BECN2: variants seen among roughly 807,000 people sequenced by gnomAD.
BECN2 encodes beclin 2.
For missense variants in BECN2, 428 were observed against 507.9 expected (o/e 0.84, Z 1.51); for synonymous variants, 173 against 220.1 (o/e 0.79, Z 1.90).
Position 241,958,289 on chromosome 1 carries a change from A to T in BECN2, c.523A>T (p.Arg175Trp). Residue 175 changes from arginine (R) to tryptophan (W), a missense_variant, in exon 1 of 1, where the codon AGG becomes TGG. Coordinates refer to ENST00000419583, the MANE Select transcript of BECN2 (RefSeq NM_001290693.1). ...ELRDLELEEA[R>W]LVQELEDVDR... ...GCGGGACCTGGAGCTGGAGGAGGCC[A>T]GGCTGGTGCAGGAGCTGGAGGATGT... The T allele has an allele frequency of 8.1e-6, 10 of 1,233,912 alleles. No homozygotes were observed. The South Asian group carries it at 3.3e-4, about 41-fold the overall frequency. The allele number at this position is 1,233,912 out of a possible 1,614,324, so 76.4% of individuals were successfully genotyped here. A position where few individuals can be genotyped will look rare whatever the true frequency, so the allele number is the denominator to read the frequency against.
Position 241,958,939 on chromosome 1 carries a change from A to G in BECN2, c.1173A>G (p.Arg391=), listed in dbSNP as rs1381832282. 2 of 1,231,784 alleles carry G rather than the reference A, an allele frequency of 1.6e-6. No homozygotes were observed. Among genetic ancestry groups the G allele is most frequent in the Non-Finnish European group, 2.0e-6 (2 of 988,058 alleles). The allele number at this position is 1,231,784 out of a possible 1,614,324, so 76.3% of individuals were successfully genotyped here. Residue 391 remains arginine, a synonymous_variant, in exon 1 of 1, where the codon CGA becomes CGG. Transcript: ENST00000419583. ...ETGLMEDVGG[R]GECYSIRTHL... ...GCCTGATGGAGGACGTTGGCGGCCGAGGGGAATGCTATTCCATCAGAACCC... is the reference window on the plus strand; with the variant it reads ...GCCTGATGGAGGACGTTGGCGGCCGGGGGGAATGCTATTCCATCAGAACCC...
Position 241,958,927 on chromosome 1 carries a change from C to T in BECN2, c.1161C>T (p.Asp387=). 8.1e-7 allele frequency: 1 copy of T among 1,231,808 alleles called. No individual in the cohort carries two copies. The highest frequency in any genetic ancestry group is 4.1e-5 in the South Asian group (1 of 24,312). 76.3% of individuals were successfully genotyped at this position (1,231,808 alleles called of 1,614,324 possible). ...GIQVETGLME[D]VGGRGECYSI... ...AGGTGGAGACAGGCCTGATGGAGGA[C>T]GTTGGCGGCCGAGGGGAATGCTATT... The change falls in exon 1 of 1, where the codon GAC becomes GAT. Residue 387 remains aspartate, a synonymous_variant. Coordinates refer to ENST00000419583, the MANE Select transcript of BECN2 (RefSeq NM_001290693.1).
At chr1:241,958,411 C>G in the BECN2 span, 1 of 1,232,108 alleles carries the variant, frequency 8.1e-7, no homozygotes, top group East Asian at 3.2e-5. Flanking sequence ...ACAGGGACTA[C>G]AGTGCCTTGA....
rs1369923056 is a variant in BECN2, at chr1:241,958,894, C to T, written c.1128C>T (p.Tyr376=). 4 of 1,231,876 alleles carry T rather than the reference C, an allele frequency of 3.2e-6. No homozygotes were observed. The highest frequency in any genetic ancestry group is 1.5e-5 in the African/African-American group (1 of 64,530). The allele number at this position is 1,231,876 out of a possible 1,614,324, so 76.3% of individuals were successfully genotyped here. The change falls in exon 1 of 1, where the codon TAC becomes TAT. Residue 376 remains tyrosine (Y), a synonymous_variant. Coordinates refer to ENST00000419583, the MANE Select transcript of BECN2 (RefSeq NM_001290693.1). The stretch of plus-strand genomic sequence containing the variant: ...GTGAGCTGGGCCTCTCTCTGCCCTA[C>T]GGGATCCAGGTGGAGACAGGCCTGA... ...EKGELGLSLP[Y]GIQVETGLME...
chr1:241,958,367 G>C lies in BECN2; in HGVS notation c.601G>C (p.Ala201Pro). The C allele has an allele frequency of 8.1e-7, 1 of 1,232,984 alleles. No homozygotes were observed. Among genetic ancestry groups the C allele is most frequent in the Non-Finnish European group, 1.0e-6 (1 of 988,986 alleles). 76.4% of individuals were successfully genotyped at this position (1,232,984 alleles called of 1,614,324 possible). Residue 201 changes from alanine to proline, a missense_variant, in exon 1 of 1, where the codon GCT (alanine) becomes CCT (proline). Transcript: ENST00000419583. ...AADLQAAQAE[A>P]AELDQQERQH... ...GGATCTCCAGGCAGCCCAGGCAGAG[G>C]CTGCGGAGCTGGACCAGCAGGAGAG...
rs1664471896 is a variant in BECN2, at chr1:241,958,784, G to A, written c.1018G>A (p.Asp340Asn). ...GCCGTTGTTCTGTTATGGGGGGCAGGATGTTTTCCTCAATAACAAGTATGA... is the reference window on the plus strand; with the variant it reads ...GCCGTTGTTCTGTTATGGGGGGCAGAATGTTTTCCTCAATAACAAGTATGA... ...ELPLFCYGGQ[D>N]VFLNNKYDRA... Residue 340 changes from aspartate (D) to asparagine (N), a missense_variant, in exon 1 of 1, where the codon GAT becomes AAT. By Grantham distance (23) the Asp-to-Asn change is conservative (BLOSUM62 1). Coordinates refer to ENST00000419583, the MANE Select transcript of BECN2 (RefSeq NM_001290693.1). 1 of 1,231,694 alleles carries A rather than the reference G, an allele frequency of 8.1e-7. No homozygotes were observed. Among genetic ancestry groups the A allele is most frequent in the Non-Finnish European group, 1.0e-6 (1 of 988,062 alleles). The allele number at this position is 1,231,694 out of a possible 1,614,324, so 76.3% of individuals were successfully genotyped here. A position where few individuals can be genotyped will look rare whatever the true frequency, so the allele number is the denominator to read the frequency against.
At chr1:241,958,017 TG>T in the BECN2 span, 1 of 1,231,940 alleles carries the variant, frequency 8.1e-7, no homozygotes, top group Non-Finnish European at 1.0e-6. Context: ...TTCACCCTGC[TG>T]GGGGAGCTTG....
Position 241,958,166 on chromosome 1 carries a change from G to A in BECN2, c.400G>A (p.Ala134Thr), listed in dbSNP as rs187014284. The change falls in exon 1 of 1, where the codon GCT becomes ACT. Residue 134 changes from alanine to threonine, a missense_variant. Physicochemically the swap from Ala to Thr is moderately conservative, Grantham distance 58. Coordinates refer to ENST00000419583, the MANE Select transcript of BECN2 (RefSeq NM_001290693.1). ...SLLEQLDIQL[A>T]LTEADSQNYQ... is the part of the protein sequence containing the mutation. The stretch of plus-strand genomic sequence containing the variant: ...TTTAGAGCAGCTGGACATCCAGCTC[G>A]CTCTCACAGAAGCTGACAGTCAGAA... 9.7e-6 allele frequency: 12 copies of A among 1,232,096 alleles called. No homozygotes were observed. The East Asian group carries it at 2.5e-4, about 26-fold the overall frequency. 76.3% of individuals were successfully genotyped at this position (1,232,096 alleles called of 1,614,324 possible). A position where few individuals can be genotyped will look rare whatever the true frequency, so the allele number is the denominator to read the frequency against.
Position 241,958,604 on chromosome 1 carries a change from G to C in BECN2, c.838G>C (p.Val280Leu). The change falls in exon 1 of 1, where the codon GTG becomes CTG. Residue 280 changes from valine to leucine, a missense_variant. Coordinates refer to ENST00000419583, the MANE Select transcript of BECN2 (RefSeq NM_001290693.1). The stretch of plus-strand genomic sequence containing the variant: ...GTTGGGCCGCCTCCCCACTGTCCGT[G>C]TGGGCTGGAATGAGATTAACACTGC... ...FRLGRLPTVR[V>L]GWNEINTAWG... 31 of 1,231,820 alleles carry C rather than the reference G, an allele frequency of 2.5e-5. No homozygotes were observed. The highest frequency in any genetic ancestry group is 3.0e-5 in the Non-Finnish European group (30 of 988,016). 76.3% of individuals were successfully genotyped at this position (1,231,820 alleles called of 1,614,324 possible). A position where few individuals can be genotyped will look rare whatever the true frequency, so the allele number is the denominator to read the frequency against.
Position 241,957,901 on chromosome 1 carries a change from C to T in BECN2, c.135C>T (p.Pro45=). ...GQAEPGDTRE[P]GVTTREVTDA... is the part of the protein sequence containing the mutation. ...CTGAGCCCGGAGACACCCGGGAGCC[C>T]GGCGTCACCACCAGGGAGGTGACAG... Residue 45 remains proline (P), a synonymous_variant, in exon 1 of 1, where the codon CCC becomes CCT. Transcript: ENST00000419583. 5 of 1,231,092 alleles carry T rather than the reference C, an allele frequency of 4.1e-6. No individual in the cohort carries two copies. Among genetic ancestry groups the T allele is most frequent in the African/African-American group, 3.1e-5 (2 of 63,830 alleles). The allele number at this position is 1,231,092 out of a possible 1,614,324, so 76.3% of individuals were successfully genotyped here.
In BECN2 at chr1:241,958,890, C is replaced by G. The variant is rs1307190381; in HGVS notation, c.1124C>G (p.Pro375Arg). The change falls in exon 1 of 1, where the codon CCC (proline) becomes CGC (arginine). Residue 375 changes from proline to arginine, a missense_variant. By Grantham distance (103) the Pro-to-Arg change is moderately radical. Transcript: ENST00000419583. Reference sequence around the variant, plus strand: ...AAGGGTGAGCTGGGCCTCTCTCTGCCCTACGGGATCCAGGTGGAGACAGGC... The same window carrying G: ...AAGGGTGAGCTGGGCCTCTCTCTGCGCTACGGGATCCAGGTGGAGACAGGC... ...AEKGELGLSL[P>R]YGIQVETGLM... 1.6e-6 allele frequency: 2 copies of G among 1,231,836 alleles called. No individual in the cohort carries two copies. Among genetic ancestry groups the G allele is most frequent in the Non-Finnish European group, 2.0e-6 (2 of 988,116 alleles). The allele number at this position is 1,231,836 out of a possible 1,614,324, so 76.3% of individuals were successfully genotyped here. A position where few individuals can be genotyped will look rare whatever the true frequency, so the allele number is the denominator to read the frequency against.
chr1:241,958,390 G>A lies in BECN2; in HGVS notation c.624G>A (p.Glu208=). ...AGGCTGCGGAGCTGGACCAGCAGGAGAGGCAGCACTACAGGGACTACAGTG... is the reference window on the plus strand; with the variant it reads ...AGGCTGCGGAGCTGGACCAGCAGGAAAGGCAGCACTACAGGGACTACAGTG... ...QAEAAELDQQ[E]RQHYRDYSAL... Residue 208 remains glutamate, a synonymous_variant, in exon 1 of 1, where the codon GAG becomes GAA. Coordinates refer to ENST00000419583, the MANE Select transcript of BECN2 (RefSeq NM_001290693.1). 1 of 1,232,756 alleles carries A rather than the reference G, an allele frequency of 8.1e-7. No homozygotes were observed. The highest frequency in any genetic ancestry group is 4.1e-5 in the South Asian group (1 of 24,342). 76.4% of individuals were successfully genotyped at this position (1,232,756 alleles called of 1,614,324 possible).
chr1:241,958,005 T>A lies in BECN2; in HGVS notation c.239T>A (p.Ile80Asn). The change falls in exon 1 of 1, where the codon ATC becomes AAC. Residue 80 changes from isoleucine to asparagine, a missense_variant. By Grantham distance (149) the Ile-to-Asn change is moderately radical (BLOSUM62 -3). Transcript: ENST00000419583. Reference sequence around the variant, plus strand: ...AGTGTGTCCAAGGGCCATGCCAACATCTTCACCCTGCTGGGGGAGCTTGGC... The same window carrying A: ...AGTGTGTCCAAGGGCCATGCCAACAACTTCACCCTGCTGGGGGAGCTTGGC... ...DGSVSKGHANIFTLLGELGAM... is the reference protein window; with the variant it reads ...DGSVSKGHANNFTLLGELGAM... The A allele has an allele frequency of 8.1e-7, 1 of 1,231,880 alleles. No homozygotes were observed. The highest frequency in any genetic ancestry group is 1.0e-6 in the Non-Finnish European group (1 of 988,076). 76.3% of individuals were successfully genotyped at this position (1,231,880 alleles called of 1,614,324 possible).
In BECN2 at chr1:241,957,946, C is replaced by G. The variant is rs932547309; in HGVS notation, c.180C>G (p.Asp60Glu). The change falls in exon 1 of 1, where the codon GAC becomes GAG. Residue 60 changes from aspartate to glutamate, a missense_variant. Transcript: ENST00000419583. ...REVTDAEEQQDGASSRSPPGD... is the reference protein window; with the variant it reads ...REVTDAEEQQEGASSRSPPGD... The stretch of plus-strand genomic sequence containing the variant: ...TGACAGACGCTGAGGAGCAACAGGA[C>G]GGTGCCTCTAGCAGATCCCCTCCAG... The G allele has an allele frequency of 3.2e-6, 4 of 1,231,750 alleles. No individual in the cohort carries two copies. In the South Asian group the frequency reaches 1.6e-4, roughly 51 times the overall value. The allele number at this position is 1,231,750 out of a possible 1,614,324, so 76.3% of individuals were successfully genotyped here.
At position 241,958,564 on chromosome 1, in the gene BECN2, C is replaced by T. The variant is rs1019324084; in HGVS notation, c.798C>T (p.Val266=). ...TCTGGGTGGAGGGCCCCTTGGGCGTCATCAATAACTTCAGGTTGGGCCGCC... is the reference window on the plus strand; with the variant it reads ...TCTGGGTGGAGGGCCCCTTGGGCGTTATCAATAACTTCAGGTTGGGCCGCC... ...FEIWVEGPLG[V]INNFRLGRLP... The change falls in exon 1 of 1, where the codon GTC becomes GTT. Residue 266 remains valine (V), a synonymous_variant. Coordinates refer to ENST00000419583, the MANE Select transcript of BECN2 (RefSeq NM_001290693.1). 1 of 1,231,672 alleles carries T rather than the reference C, an allele frequency of 8.1e-7. No individual in the cohort carries two copies. Among genetic ancestry groups the T allele is most frequent in the African/African-American group, 1.6e-5 (1 of 64,428 alleles). The allele number at this position is 1,231,672 out of a possible 1,614,324, so 76.3% of individuals were successfully genotyped here. A position where few individuals can be genotyped will look rare whatever the true frequency, so the allele number is the denominator to read the frequency against.
chr1:241,957,885 G>C lies in BECN2; in HGVS notation c.119G>C (p.Gly40Ala), dbSNP rs1664452539. 1 of 1,231,250 alleles carries C rather than the reference G, an allele frequency of 8.1e-7. No individual in the cohort carries two copies. Among genetic ancestry groups the C allele is most frequent in the African/African-American group, 1.6e-5 (1 of 63,990 alleles). 76.3% of individuals were successfully genotyped at this position (1,231,250 alleles called of 1,614,324 possible). The change falls in exon 1 of 1, where the codon GGA (glycine) becomes GCA (alanine). Residue 40 changes from glycine to alanine, a missense_variant. Transcript: ENST00000419583. ...PAPTSGQAEP[G>A]DTREPGVTTR... The stretch of plus-strand genomic sequence containing the variant: ...CCCACCTCTGGGCAGGCTGAGCCCG[G>C]AGACACCCGGGAGCCCGGCGTCACC...
At position 241,958,759 on chromosome 1, in the gene BECN2, G is replaced by A. The variant is rs1435346191; in HGVS notation, c.993G>A (p.Leu331=). Residue 331 remains leucine, a synonymous_variant, in exon 1 of 1, where the codon CTG becomes CTA. Coordinates refer to ENST00000419583, the MANE Select transcript of BECN2 (RefSeq NM_001290693.1). ...CTTTAACAGATGACCGCACTGAGCT[G>A]CCGTTGTTCTGTTATGGGGGGCAGG... ...LKSLTDDRTE[L]PLFCYGGQDV... The A allele has an allele frequency of 8.1e-7, 1 of 1,231,818 alleles. No individual in the cohort carries two copies. The highest frequency in any genetic ancestry group is 4.2e-5 in the Admixed American group (1 of 23,700). 76.3% of individuals were successfully genotyped at this position (1,231,818 alleles called of 1,614,324 possible). A position where few individuals can be genotyped will look rare whatever the true frequency, so the allele number is the denominator to read the frequency against.
At position 241,958,968 on chromosome 1, in the gene BECN2, T is replaced by A; in HGVS notation, c.1202T>A (p.Leu401Gln). The A allele has an allele frequency of 8.1e-7, 1 of 1,231,840 alleles. No homozygotes were observed. Among genetic ancestry groups the A allele is most frequent in the Non-Finnish European group, 1.0e-6 (1 of 988,044 alleles). 76.3% of individuals were successfully genotyped at this position (1,231,840 alleles called of 1,614,324 possible). Reference protein sequence around the residue: ...RGECYSIRTHLNTQELWTKAL... With the variant: ...RGECYSIRTHQNTQELWTKAL... ...GAATGCTATTCCATCAGAACCCATCTGAACACGCAGGAGCTGTGGACAAAG... is the reference window on the plus strand; with the variant it reads ...GAATGCTATTCCATCAGAACCCATCAGAACACGCAGGAGCTGTGGACAAAG... The change falls in exon 1 of 1, where the codon CTG (leucine) becomes CAG (glutamine). Residue 401 changes from leucine to glutamine, a missense_variant. Transcript: ENST00000419583.
chr1:241,958,368 C>A lies in BECN2; in HGVS notation c.602C>A (p.Ala201Asp). 1 of 1,232,998 alleles carries A rather than the reference C, an allele frequency of 8.1e-7. No homozygotes were observed. The highest frequency in any genetic ancestry group is 4.2e-5 in the Admixed American group (1 of 23,722). The allele number at this position is 1,232,998 out of a possible 1,614,324, so 76.4% of individuals were successfully genotyped here. A position where few individuals can be genotyped will look rare whatever the true frequency, so the allele number is the denominator to read the frequency against. Residue 201 changes from alanine to aspartate, a missense_variant, in exon 1 of 1, where the codon GCT (alanine) becomes GAT (aspartate). Transcript: ENST00000419583. Reference sequence around the variant, plus strand: ...GATCTCCAGGCAGCCCAGGCAGAGGCTGCGGAGCTGGACCAGCAGGAGAGG... The same window carrying A: ...GATCTCCAGGCAGCCCAGGCAGAGGATGCGGAGCTGGACCAGCAGGAGAGG... ...AADLQAAQAE[A>D]AELDQQERQH...
Sources: allele counts gnomAD v4.1 joint callset, GRCh38; gene constraint gnomAD v4.1.1; transcripts MANE v1.5; gene names NCBI Gene and HGNC (gene_info 2026-07-23, HGNC 2026-07-21).